ZNF616: variants seen among roughly 807,000 people sequenced by gnomAD.
ZNF616 encodes the protein zinc finger protein 616.
In ZNF616, 5 loss-of-function variants were observed where a neutral mutation model predicts 7.6. The ratio of observed to expected loss-of-function variants is 0.66; its 90% CI spans 0.34 to 1.38. The LOEUF (loss-of-function observed/expected upper bound fraction) is 1.38. Among genes scored for constraint, ZNF616 ranks in the 40% most tolerant of loss-of-function variants. ZNF616 has a pLI of 0.04. For synonymous variants in ZNF616, 319 were observed against 317.2 expected (o/e 1.01, Z -0.06); for missense variants, 913 against 948.3 (o/e 0.96, Z 0.49).
chr19:52,137,998 A>G (rs1457571360), intron 1 of ZNF616, among the ~76,000 whole-genome samples: 2 of 152,232 alleles, frequency 1.3e-5, no homozygotes, highest in African/African-American at 4.8e-5. Context: ...CTTCAAAGAC[A>G]TACATTGTAG....
rs1301555675 is a variant in ZNF616, at chr19:52,117,026, T to A, written c.140-2A>T. The A allele has an allele frequency of 2.3e-5, 35 of 1,547,602 alleles. No individual in the cohort carries two copies. Among genetic ancestry groups the A allele is most frequent in the Non-Finnish European group, 2.9e-5 (34 of 1,154,050 alleles). Reference sequence around the variant, plus strand: ...TGATCACACATTTAGGAGAGATACCTGCAAAATATAATGAACATGAGTTTT... The same window carrying A: ...TGATCACACATTTAGGAGAGATACCAGCAAAATATAATGAACATGAGTTTT... On this transcript the variant is annotated splice_acceptor_variant, in intron 3 of 3. Coordinates refer to ENST00000600228, the MANE Select transcript of ZNF616 (RefSeq NM_178523.5). LOFTEE classifies it high-confidence loss of function.
intron 2 of ZNF616, among the ~76,000 whole-genome samples, chr19:52,129,070 C>A (rs560798082): frequency 5.5e-4 from 83 of 151,500 alleles, no homozygotes; most frequent in Admixed American, 3.7e-3. Context: ...ATCAGGAGTT[C>A]GAGACCAGCC....
In ZNF616 at chr19:52,116,986, T is replaced by C. The variant is rs1201654083; in HGVS notation, c.178A>G (p.Thr60Ala). 1 of 1,595,548 alleles carries C rather than the reference T, an allele frequency of 6.3e-7. No individual in the cohort carries two copies. The highest frequency in any genetic ancestry group is 2.2e-5 in the East Asian group (1 of 44,794). ...CTTTCTCCTGTATTACTGTTCTCTG[T>C]TGGTGGTAATTCCTTGATCACACAT... ...PKCVIKELPP[T>A]ENSNTGERFQ... The change falls in exon 4 of 4, where the codon ACA becomes GCA. Residue 60 changes from threonine to alanine, a missense_variant. Physicochemically the swap from Thr to Ala is moderately conservative, Grantham distance 58. Transcript: ENST00000600228.
Position 52,116,677 on chromosome 19 carries a change from A to G in ZNF616, c.487T>C (p.Cys163Arg). 1.3e-5 allele frequency: 21 copies of G among 1,614,166 alleles called. No homozygotes were observed. Among genetic ancestry groups the G allele is most frequent in the Non-Finnish European group, 1.4e-5 (17 of 1,180,024 alleles). ...KVQTEGRLYE[C>R]NETEKTGNNG... The stretch of plus-strand genomic sequence containing the variant: ...TTACCTGTCTTCTCCGTTTCATTAC[A>G]TTCATAAAGTCTCCCTTCAGTTTGA... The change falls in exon 4 of 4, where the codon TGT (cysteine) becomes CGT (arginine). Residue 163 changes from cysteine (C) to arginine (R), a missense_variant. By Grantham distance (180) the Cys-to-Arg change is radical (BLOSUM62 -3). Coordinates refer to ENST00000600228, the MANE Select transcript of ZNF616 (RefSeq NM_178523.5).
intron 2 of ZNF616, among the ~76,000 whole-genome samples, chr19:52,130,116 C>T (rs1381970716): frequency 6.6e-6 from 1 of 152,190 alleles, no homozygotes. Context: ...TAATATGTGA[C>T]TTCCACATGC....
At chr19:52,134,341 C>T (rs150243203) in intron 1 of ZNF616, among the ~76,000 whole-genome samples, 218 of 152,288 alleles carry the variant, frequency 1.4e-3, no homozygotes, top group African/African-American at 5.1e-3. Flanking sequence ...ACAAAAGGAT[C>T]GAATTTGTTG....
chr19:52,132,061 C>A (rs527561472), intron 1 of ZNF616, among the ~76,000 whole-genome samples: 17 of 152,258 alleles, frequency 1.1e-4, no homozygotes, highest in South Asian at 4.1e-4. Context: ...CATTTTTCTC[C>A]CACAGCTCAC....
rs150211006 is a variant in ZNF616 at position 52,116,922 on chromosome 19, T to C, written c.242A>G (p.Asp81Gly). The change falls in exon 4 of 4, where the codon GAT becomes GGT. Residue 81 changes from aspartate to glycine, a missense_variant. Physicochemically the swap from Asp to Gly is moderately conservative, Grantham distance 94 (BLOSUM62 -1). Coordinates refer to ENST00000600228, the MANE Select transcript of ZNF616 (RefSeq NM_178523.5). ...TVALERHQSY[D>G]IENLYFREIQ... is the part of the protein sequence containing the mutation. ...TTCCCTGAAGTATAAATTTTCAATA[T>C]CATAGCTTTGATGTCTTTCCAGTGC... 1.9e-6 allele frequency: 3 copies of C among 1,613,938 alleles called. No homozygotes were observed. Among genetic ancestry groups the C allele is most frequent in the African/African-American group, 1.3e-5 (1 of 74,944 alleles).
At chr19:52,129,800 T>G (rs990257148) in intron 2 of ZNF616, among the ~76,000 whole-genome samples, 4 of 150,118 alleles carry the variant, frequency 2.7e-5, no homozygotes, top group Admixed American at 6.6e-5. Flanking sequence ...TTTTTTTTTT[T>G]GAGGATGAAG....
chr19:52,116,990 T>C lies in ZNF616; in HGVS notation c.174A>G (p.Pro58=), dbSNP rs2088832078. The C allele has an allele frequency of 6.3e-7, 1 of 1,591,242 alleles. No homozygotes were observed. Among genetic ancestry groups the C allele is most frequent in the Middle Eastern group, 1.7e-4 (1 of 5,918 alleles). The change falls in exon 4 of 4, where the codon CCA becomes CCG. Residue 58 remains proline (P), a synonymous_variant. Coordinates refer to ENST00000600228, the MANE Select transcript of ZNF616 (RefSeq NM_178523.5). ...ISPKCVIKEL[P]PTENSNTGER... ...CTCCTGTATTACTGTTCTCTGTTGG[T>C]GGTAATTCCTTGATCACACATTTAG...
Position 52,115,402 on chromosome 19 carries a change from G to A in ZNF616, c.1762C>T (p.Gln588Ter). ...KCNECGKVYS[Q>*]YSHLVGHRRV... The stretch of plus-strand genomic sequence containing the variant: ...CGATGCCCTACAAGATGTGAATACT[G>A]ACTGTAGACCTTGCCGCATTCATTG... The change falls in exon 4 of 4, where the codon CAG (glutamine) becomes TAG (stop). Residue 588 changes from glutamine to a stop codon, truncating the protein, a stop_gained. Transcript: ENST00000600228. LOFTEE classifies it low-confidence loss of function (END_TRUNC). 6.2e-7 allele frequency: 1 copy of A among 1,614,074 alleles called. No homozygotes were observed. Among genetic ancestry groups the A allele is most frequent in the Non-Finnish European group, 8.5e-7 (1 of 1,180,014 alleles).
chr19:52,122,834 C>A (rs1326834422), intron 3 of ZNF616, among the ~76,000 whole-genome samples: 1 of 151,976 alleles, frequency 6.6e-6, no homozygotes, highest in African/African-American at 2.4e-5. Flanking sequence ...CGGGTTTTCA[C>A]CGTGTTAGCC....
rs560155836 is a variant in ZNF616 at position 52,114,626 on chromosome 19, C to T, written c.*192G>A. On this transcript the variant is annotated 3_prime_UTR_variant, in exon 4 of 4. Coordinates refer to ENST00000600228, the MANE Select transcript of ZNF616 (RefSeq NM_178523.5). ...TCAAGAGAAGTCACTATTGCCAGGA[C>T]AGCACCAAGGGGATGACGCTACATC... 9.6e-5 allele frequency: 60 copies of T among 626,222 alleles called. No homozygotes were observed. The South Asian group carries it at 1.1e-3, about 12-fold the overall frequency. 38.8% of individuals were successfully genotyped at this position (626,222 alleles called of 1,614,324 possible).
chr19:52,122,616 C>T lies in ZNF616; in HGVS notation c.139+1307G>A, dbSNP rs77785007. 9.3e-3 allele frequency among the ~76,000 whole-genome samples: 1,409 copies of T among 151,692 alleles called. 29 individuals are homozygous for T. Among genetic ancestry groups the T allele is most frequent in the African/African-American group, 0.032 (1,337 of 41,362 alleles). ...ATTAAAAAATTTCCAATGAGAAGAA[C>T]TGTAATCAATTCCATTAACAATTTT... On this transcript the variant is annotated intron_variant, in intron 3 of 3. Coordinates refer to ENST00000600228, the MANE Select transcript of ZNF616 (RefSeq NM_178523.5).
At chr19:52,124,435 A>G (rs2088889579) in intron 2 of ZNF616, among the ~76,000 whole-genome samples, 1 of 152,246 alleles carries the variant, frequency 6.6e-6, no homozygotes, top group Admixed American at 6.5e-5. Context: ...AACTGTGATG[A>G]CCAGAGCAAC....
At chr19:52,118,339 A>G (rs1031902387) in intron 3 of ZNF616, among the ~76,000 whole-genome samples, 4 of 152,194 alleles carry the variant, frequency 2.6e-5, no homozygotes, top group African/African-American at 9.6e-5. Flanking sequence ...ACTAAGATAA[A>G]AGACAACAAA....
At chr19:52,119,556 G>C (rs2122147134) in intron 3 of ZNF616, among the ~76,000 whole-genome samples, 1 of 152,200 alleles carries the variant, frequency 6.6e-6, no homozygotes, top group East Asian at 1.9e-4. Context: ...GGAAAGGCCA[G>C]GGAAGAGAAA....
intron 1 of ZNF616, 39 bp from the exon 2 acceptor site, chr19:52,130,627 A>G: frequency 6.9e-7 from 1 of 1,458,804 alleles, no homozygotes; most frequent in Non-Finnish European, 9.3e-7. Context: ...GCTTGGAAAC[A>G]ACACATTCCT....
In ZNF616 at chr19:52,128,850, T is replaced by TA. The variant is rs113544255; in HGVS notation, c.12+1650dup. Among the ~76,000 whole-genome samples the TA allele has an allele frequency of 4.9e-3, 711 of 145,982 alleles. 7 individuals carry two copies. The highest frequency in any genetic ancestry group is 0.016 in the African/African-American group (659 of 40,044). ...CAACATGGTATTATGGTATGGATAG[T>TA]AAAAAAAAAAGTCATTAGAGTTTAA... On this transcript the variant is annotated intron_variant, in intron 2 of 3. Transcript: ENST00000600228.
Sources: gnomAD v4.1 joint callset for allele counts (sites outside exome capture counted in the v4.1 genomes callset) on GRCh38, gnomAD v4.1.1 for gene constraint, MANE v1.5 for transcripts, NCBI Gene and HGNC (gene_info 2026-07-23, HGNC 2026-07-21) for gene names.